NKAIN2: variants seen among roughly 807,000 people sequenced by gnomAD.
NKAIN2 encodes the protein sodium/potassium-transporting ATPase subunit beta-1-interacting protein 2.
In NKAIN2, 14 loss-of-function variants were observed where a neutral mutation model predicts 32.6. The ratio of observed to expected loss-of-function variants is 0.43; its 90% confidence interval spans 0.28 to 0.67. NKAIN2 has a LOEUF of 0.67. Ranked by LOEUF, NKAIN2 falls within the 30% of genes least tolerant of loss-of-function variation. The pLI is 0.17. For synonymous variants in NKAIN2, 80 were observed against 87.2 expected (o/e 0.92, Z 0.46); for missense variants, 198 against 258.3 (o/e 0.77, Z 1.60).
intron 4 of NKAIN2, among the ~76,000 whole-genome samples, chr6:124,680,055 T>C (rs1773543058): frequency 7.3e-6 from 1 of 137,606 alleles, no homozygotes; most frequent in Non-Finnish European, 1.6e-5. Flanking sequence ...ATAATTCTCT[T>C]ATGTGCTATA....
At chr6:124,343,550 G>T (rs1323697744) in intron 2 of NKAIN2, among the ~76,000 whole-genome samples, 1 of 152,062 alleles carries the variant, frequency 6.6e-6, no homozygotes, top group Non-Finnish European at 1.5e-5. Context: ...GTATCTCATT[G>T]TGGTTTTGAT....
rs143005365 is a variant in NKAIN2 at position 124,815,575 on chromosome 6, T to C, written c.536-2812T>C. Among the ~76,000 whole-genome samples the C allele has an allele frequency of 2.6e-3, 393 of 151,144 alleles. 2 individuals are homozygous for C. The highest frequency in any genetic ancestry group is 9.2e-3 in the African/African-American group (372 of 40,560). ...GTGAGCCACGGCACCCAGCCAATAA[T>C]TTTTTTAAGTGCAAACTTTAAATAG... On this transcript the variant is annotated intron_variant, in intron 5 of 6. Coordinates refer to ENST00000368417, the MANE Select transcript of NKAIN2 (RefSeq NM_001040214.3).
chr6:124,675,393 A>G (rs1773306776), intron 4 of NKAIN2, among the ~76,000 whole-genome samples: 1 of 152,068 alleles, frequency 6.6e-6, no homozygotes, highest in Admixed American at 6.6e-5. Flanking sequence ...TATCAGGACA[A>G]TGTTGGCCAT....
At chr6:124,204,975 T>TA (rs952217144) in intron 1 of NKAIN2, among the ~76,000 whole-genome samples, 16 of 80,520 alleles carry the variant, frequency 2.0e-4, no homozygotes, top group South Asian at 4.8e-4. Context: ...CCTCTGCATC[T>TA]AAAAAAAAGC....
At chr6:123,921,069 A>G (rs1329105496) in intron 1 of NKAIN2, among the ~76,000 whole-genome samples, 1 of 152,206 alleles carries the variant, frequency 6.6e-6, no homozygotes. Context: ...ACAGTGGACA[A>G]TGGAAATAAG....
chr6:124,057,035 C>A (rs1401050081), intron 1 of NKAIN2, among the ~76,000 whole-genome samples: 1 of 152,032 alleles, frequency 6.6e-6, no homozygotes, highest in Non-Finnish European at 1.5e-5. Context: ...TATGTTTACC[C>A]AGGTGCATTC....
At chr6:124,092,939 C>T (rs1451676044) in intron 1 of NKAIN2, among the ~76,000 whole-genome samples, 1 of 152,008 alleles carries the variant, frequency 6.6e-6, no homozygotes, top group Non-Finnish European at 1.5e-5. Flanking sequence ...TGATTTTTCT[C>T]TCTATTTAAT....
chr6:123,925,427 C>A (rs941012642), intron 1 of NKAIN2, among the ~76,000 whole-genome samples: 3 of 152,156 alleles, frequency 2.0e-5, no homozygotes, highest in Non-Finnish European at 4.4e-5. Context: ...TTTGCACTTG[C>A]CTCCTGGGTA....
intron 4 of NKAIN2, among the ~76,000 whole-genome samples, chr6:124,725,872 G>C (rs906949065): frequency 6.6e-6 from 1 of 152,234 alleles, no homozygotes; most frequent in African/African-American, 2.4e-5. Flanking sequence ...AGCCAAAGCA[G>C]GGCGAGGCAT....
intron 1 of NKAIN2, among the ~76,000 whole-genome samples, chr6:123,989,899 G>A (rs1158404192): frequency 2.0e-5 from 3 of 152,094 alleles, no homozygotes; most frequent in African/African-American, 4.8e-5. Flanking sequence ...TCTTGTTCAT[G>A]GAATGTATTA....
intron 3 of NKAIN2, among the ~76,000 whole-genome samples, chr6:124,647,079 A>C (rs1487331510): frequency 2.0e-5 from 3 of 152,108 alleles, no homozygotes; most frequent in African/African-American, 7.2e-5. Context: ...CTAGTATTTT[A>C]TATTATTAAT....
intron 1 of NKAIN2, among the ~76,000 whole-genome samples, chr6:124,195,766 C>G (rs1012011651): frequency 1.3e-5 from 2 of 152,084 alleles, no homozygotes; most frequent in African/African-American, 4.8e-5. Flanking sequence ...TTAATTGCTC[C>G]TTTGTTAAAT....
intron 3 of NKAIN2, among the ~76,000 whole-genome samples, chr6:124,388,058 G>A (rs1366191806): frequency 1.3e-5 from 2 of 151,926 alleles, no homozygotes; most frequent in African/African-American, 4.8e-5. Context: ...GCACAGAAGA[G>A]CCCTAATAAC....
At chr6:123,919,024 G>A (rs1226029499) in intron 1 of NKAIN2, among the ~76,000 whole-genome samples, 1 of 151,850 alleles carries the variant, frequency 6.6e-6, no homozygotes, top group East Asian at 1.9e-4. Context: ...AGATATTTAT[G>A]TGTATCCTGT....
chr6:124,556,226 T>G (rs544575481), intron 3 of NKAIN2, among the ~76,000 whole-genome samples: 5 of 152,314 alleles, frequency 3.3e-5, no homozygotes, highest in African/African-American at 9.6e-5. Context: ...GTCCTGTCAT[T>G]TACATCTTTC....
intron 3 of NKAIN2, among the ~76,000 whole-genome samples, chr6:124,498,087 C>A (rs1778136571): frequency 6.6e-6 from 1 of 152,022 alleles, no homozygotes; most frequent in Admixed American, 6.6e-5. Flanking sequence ...AGTAATACAC[C>A]TTCTCATTTT....
intron 3 of NKAIN2, among the ~76,000 whole-genome samples, chr6:124,589,723 C>A (rs1781838555): frequency 6.6e-6 from 1 of 152,058 alleles, no homozygotes; most frequent in Non-Finnish European, 1.5e-5. Context: ...AGGTCTGTTA[C>A]ATAGGTATAC....
intron 3 of NKAIN2, among the ~76,000 whole-genome samples, chr6:124,359,968 C>T (rs186852562): frequency 3.3e-5 from 5 of 151,978 alleles, no homozygotes; most frequent in South Asian, 2.1e-4. Context: ...ATTTATTGAG[C>T]GTTTTTAGCA....
At chr6:124,604,868 C>T (rs769442154) in intron 3 of NKAIN2, among the ~76,000 whole-genome samples, 10 of 151,916 alleles carry the variant, frequency 6.6e-5, no homozygotes, top group Non-Finnish European at 1.3e-4. Context: ...AACAAAGCAT[C>T]GTAAGACTTG....
Sources: gnomAD v4.1 joint callset for allele counts (sites outside exome capture counted in the v4.1 genomes callset) on GRCh38, gnomAD v4.1.1 for gene constraint, MANE v1.5 for transcripts, NCBI Gene and HGNC (gene_info 2026-07-23, HGNC 2026-07-21) for gene names.